The following PRKAR1A variants were observed in gnomAD, a reference collection of about 807,000 sequenced individuals.
The protein encoded by PRKAR1A is cAMP-dependent protein kinase type I-alpha regulatory subunit.
A neutral mutation model predicts 52.0 loss-of-function variants in PRKAR1A; 3 were observed. That is an observed-to-expected ratio of 0.06 (90% CI 0.03 to 0.15). The LOEUF (loss-of-function observed/expected upper bound fraction) is 0.15, where lower values mean the gene tolerates loss of function less well. Ranked by LOEUF, PRKAR1A falls within the 10% of genes least tolerant of loss-of-function variation. The probability of loss-of-function intolerance (pLI) is 1.00; values close to 1 mark genes in which losing one functional copy is unlikely to be tolerated. For synonymous variants in PRKAR1A, 188 were observed against 168.4 expected (o/e 1.12, Z -0.90); for missense variants, 240 against 477.4 (o/e 0.50, Z 4.63).
At chr17:68,520,161 A>C (rs1357414214) in intron 2 of PRKAR1A, among the ~76,000 whole-genome samples, 1 of 152,232 alleles carries the variant, frequency 6.6e-6, no homozygotes, top group Non-Finnish European at 1.5e-5. Flanking sequence ...CAAGGTGGAC[A>C]GAGCCAAACC....
At chr17:68,450,318 G>C in the PRKAR1A span, among the ~76,000 whole-genome samples, 1 of 152,224 alleles carries the variant, frequency 6.6e-6, no homozygotes, top group African/African-American at 2.4e-5. Context: ...GGCATCTCCT[G>C]CTCAGTGGTA....
the PRKAR1A span, among the ~76,000 whole-genome samples, chr17:68,447,741 C>T: frequency 1.1e-3 from 170 of 152,162 alleles, no homozygotes; most frequent in East Asian, 0.022. Context: ...ACCTGTAATC[C>T]CTGCACTTTG....
At chr17:68,457,992 C>T in the PRKAR1A span, among the ~76,000 whole-genome samples, 14 of 152,180 alleles carry the variant, frequency 9.2e-5, no homozygotes, top group African/African-American at 3.4e-4. Context: ...CTAGTTCCCA[C>T]CCCGCCCAGA....
chr17:68,546,005 T>G (rs1221145519), intron 11 of PRKAR1A, among the ~76,000 whole-genome samples: 1 of 151,764 alleles, frequency 6.6e-6, no homozygotes, highest in Non-Finnish European at 1.5e-5. Context: ...CTGTCTCTAC[T>G]AAAAATACAA....
Position 68,531,857 on chromosome 17 carries a change from G to A in PRKAR1A, c.*1408G>A. On this transcript the variant is annotated 3_prime_UTR_variant, in exon 11 of 11. Transcript: ENST00000589228. The stretch of plus-strand genomic sequence containing the variant: ...CAAAATTTCACAGTTCTGTAATGTA[G>A]GCACTTTTATTTTCATTGTGATTTA... 1 of 1,037,372 alleles carries A rather than the reference G, an allele frequency of 9.6e-7. No individual in the cohort carries two copies. The highest frequency in any genetic ancestry group is 4.7e-5 in the South Asian group (1 of 21,400). The allele number at this position is 1,037,372 out of a possible 1,614,324, so 64.3% of individuals were successfully genotyped here. A position where few individuals can be genotyped will look rare whatever the true frequency, so the allele number is the denominator to read the frequency against.
chr17:68,545,933 G>C (rs1438755133), intron 11 of PRKAR1A, among the ~76,000 whole-genome samples: 1 of 152,142 alleles, frequency 6.6e-6, no homozygotes, highest in East Asian at 1.9e-4. Flanking sequence ...ACTTTGGGAG[G>C]CTGAGGCAGG....
the PRKAR1A span, among the ~76,000 whole-genome samples, chr17:68,444,142 G>A: frequency 6.6e-6 from 1 of 152,184 alleles, no homozygotes; most frequent in South Asian, 2.1e-4. Flanking sequence ...CGCCTACTCT[G>A]TACTGAACGA....
intron 11 of PRKAR1A, chr17:68,542,624 G>T: frequency 1.7e-6 from 2 of 1,187,268 alleles, no homozygotes; most frequent in Non-Finnish European, 1.3e-6. Flanking sequence ...GGCCACTGAT[G>T]AATGGAGGGG....
chr17:68,426,244 G>GT, the PRKAR1A span: 1 of 985,756 alleles, frequency 1.0e-6, no homozygotes, highest in South Asian at 1.3e-5. Flanking sequence ...CTGGCGGGTG[G>GT]GGAGCGGGGG....
the PRKAR1A span, among the ~76,000 whole-genome samples, chr17:68,473,789 G>A: frequency 2.0e-5 from 3 of 152,068 alleles, no homozygotes; most frequent in African/African-American, 7.2e-5. Context: ...CCAAAGTGCT[G>A]GGATTACAGG....
the PRKAR1A span, among the ~76,000 whole-genome samples, chr17:68,499,135 C>A: frequency 6.6e-6 from 1 of 152,310 alleles, no homozygotes; most frequent in South Asian, 2.1e-4. Flanking sequence ...GTTATTGTCA[C>A]TGTCATGAGC....
At chr17:68,421,957 C>T in the PRKAR1A span, 1 of 1,013,472 alleles carries the variant, frequency 9.9e-7, no homozygotes, top group South Asian at 1.3e-5. Context: ...TCTGAACTCG[C>T]TCATGGCCAC....
the PRKAR1A span, among the ~76,000 whole-genome samples, chr17:68,489,225 T>C: frequency 2.0e-5 from 1 of 50,292 alleles, no homozygotes; most frequent in Non-Finnish European, 3.2e-5. Context: ...TATATATATA[T>C]ATATGGAAAG....
the PRKAR1A span, chr17:68,427,146 G>A: frequency 6.2e-7 from 1 of 1,613,982 alleles, no homozygotes. Context: ...TGGCACCGTG[G>A]AGGCTGAAGA....
the PRKAR1A span, among the ~76,000 whole-genome samples, chr17:68,423,827 AC>A: frequency 6.6e-6 from 1 of 152,248 alleles, no homozygotes; most frequent in African/African-American, 2.4e-5. The surrounding 1 kb of genome is among the most constrained non-coding windows in gnomAD (Gnocchi z 4.4). Flanking sequence ...ACTAATATCC[AC>A]ATTACCCCAA....
chr17:68,478,302 A>G, the PRKAR1A span, among the ~76,000 whole-genome samples: 1 of 152,140 alleles, frequency 6.6e-6, no homozygotes, highest in Non-Finnish European at 1.5e-5. Context: ...AATACAAAAA[A>G]TTAGCTGGGC....
chr17:68,446,637 A>G, the PRKAR1A span, among the ~76,000 whole-genome samples: 1 of 152,250 alleles, frequency 6.6e-6, no homozygotes. Context: ...TTGCCAGCAC[A>G]TGCCGTGGTT....
chr17:68,430,008 C>T, the PRKAR1A span: 1 of 1,614,094 alleles, frequency 6.2e-7, no homozygotes, highest in Non-Finnish European at 8.5e-7. Context: ...TGAGAGGGTA[C>T]AGATGTTCCT....
At chr17:68,414,911 A>AT in the PRKAR1A span, among the ~76,000 whole-genome samples, 1 of 151,038 alleles carries the variant, frequency 6.6e-6, no homozygotes, top group East Asian at 2.0e-4. Flanking sequence ...GTTTATTTGG[A>AT]TTTTCTCTCT....
Sources: gnomAD v4.1 joint callset for allele counts (sites outside exome capture counted in the v4.1 genomes callset) on GRCh38, gnomAD v4.1.1 for gene constraint, Gnocchi (gnomAD v3.1) non-coding constraint, MANE v1.5 for transcripts, NCBI Gene and HGNC (gene_info 2026-07-23, HGNC 2026-07-21) for gene names.